PDE4D: variants seen among roughly 807,000 people sequenced by gnomAD.
The protein encoded by PDE4D is 3',5'-cyclic-AMP phosphodiesterase 4D.
Under a neutral mutation model 87.4 loss-of-function variants are expected in PDE4D, and 24 were observed. The observed-to-expected ratio is 0.27, with a 90% CI of 0.20 to 0.39. The LOEUF (loss-of-function observed/expected upper bound fraction) is 0.39, where lower values mean the gene tolerates loss of function less well. Ranked by LOEUF, PDE4D falls within the 10% of genes least tolerant of loss-of-function variation. PDE4D has a pLI of 1.00. For synonymous variants in PDE4D, 384 were observed against 383.2 expected, an observed-to-expected ratio of 1.00 and a Z score of -0.02; for missense variants, 714 against 1,041.0, an observed-to-expected ratio of 0.69 and a Z score of 4.32.
intron 1 of PDE4D, among the ~76,000 whole-genome samples, chr5:60,282,078 A>G (rs4274945): frequency 0.099 from 15,091 of 151,898 alleles, 1,042 homozygotes; most frequent in South Asian, 0.29. Flanking sequence ...CATCGTTTTA[A>G]ACAACATTAC....
intron 1 of PDE4D, among the ~76,000 whole-genome samples, chr5:59,620,962 C>T (rs1298684817): frequency 6.6e-6 from 1 of 151,954 alleles, no homozygotes; most frequent in Non-Finnish European, 1.5e-5. Flanking sequence ...TATTGTCAGA[C>T]TTCTTTCTTA....
At chr5:60,025,865 C>G (rs1391146057) in intron 2 of PDE4D, among the ~76,000 whole-genome samples, 1 of 152,118 alleles carries the variant, frequency 6.6e-6, no homozygotes, top group Non-Finnish European at 1.5e-5. Context: ...CTGGGCAATA[C>G]AGTGAGACCC....
intron 1 of PDE4D, among the ~76,000 whole-genome samples, chr5:59,246,272 C>T (rs1243258302): frequency 6.6e-6 from 1 of 151,936 alleles, no homozygotes; most frequent in Non-Finnish European, 1.5e-5. Flanking sequence ...TCTGAGGTTT[C>T]TTCAAAGCCA....
chr5:59,849,711 ATTTAT>A lies in PDE4D; in HGVS notation c.455+43452_455+43456del. ...ACGTTTTCTATTGTTTTTGTCCCTT[ATTTAT>A]TTTGTTTTGTTTTTAAGAGATAATT... On this transcript the variant is annotated intron_variant, in intron 1 of 14. Transcript: ENST00000340635. 1.3e-5 allele frequency among the ~76,000 whole-genome samples: 2 copies of A among 151,462 alleles called. 1 individual carries two copies.
At chr5:59,184,671 A>T (rs1742481053) in intron 4 of PDE4D, among the ~76,000 whole-genome samples, 1 of 152,164 alleles carries the variant, frequency 6.6e-6, no homozygotes, top group Non-Finnish European at 1.5e-5. Context: ...TGAAATGATA[A>T]TCCTTTCCCA....
At chr5:60,209,816 A>G (rs886390321) in intron 1 of PDE4D, among the ~76,000 whole-genome samples, 1 of 152,150 alleles carries the variant, frequency 6.6e-6, no homozygotes, top group African/African-American at 2.4e-5. Flanking sequence ...TGTGTTTTTT[A>G]ATTATCTTGA....
intron 5 of PDE4D, among the ~76,000 whole-genome samples, chr5:59,107,836 G>C (rs1771892603): frequency 6.6e-6 from 1 of 152,174 alleles, no homozygotes; most frequent in South Asian, 2.1e-4. Flanking sequence ...AAGAAAGCCT[G>C]GCTTTTGTGT....
At chr5:60,128,512 A>T (rs1779304576) in intron 2 of PDE4D, among the ~76,000 whole-genome samples, 1 of 152,194 alleles carries the variant, frequency 6.6e-6, no homozygotes, top group African/African-American at 2.4e-5. Context: ...CTGATGGGAG[A>T]GAAGTCTGAA....
intron 1 of PDE4D, among the ~76,000 whole-genome samples, chr5:60,503,181 A>G (rs971472947): frequency 1.2e-4 from 19 of 152,182 alleles, no homozygotes; most frequent in African/African-American, 4.6e-4. Context: ...GAAGAGAAAG[A>G]AAGTGAGGGA....
At chr5:60,284,777 G>A (rs1463587360) in intron 1 of PDE4D, among the ~76,000 whole-genome samples, 1 of 152,006 alleles carries the variant, frequency 6.6e-6, no homozygotes. Flanking sequence ...ACATATTCAG[G>A]ATAGGTAGTT....
chr5:60,188,728 C>T (rs1396083647), intron 1 of PDE4D, among the ~76,000 whole-genome samples: 1 of 152,152 alleles, frequency 6.6e-6, no homozygotes, highest in Non-Finnish European at 1.5e-5. Context: ...GTGAGGTAGA[C>T]ATTGTTAATA....
chr5:59,157,400 A>G lies in PDE4D; in HGVS notation c.808+23195T>C, dbSNP rs1220611410. ...ACATTTGCAAACAAGTGATCCGAAGACATTTTTCTAAACAGGTGCTGTGGT... is the reference window on the plus strand; with the variant it reads ...ACATTTGCAAACAAGTGATCCGAAGGCATTTTTCTAAACAGGTGCTGTGGT... On this transcript the variant is annotated intron_variant, in intron 5 of 14. Coordinates refer to ENST00000340635, the MANE Select transcript of PDE4D (RefSeq NM_001104631.2). 3 of 701,968 alleles carry G rather than the reference A, an allele frequency of 4.3e-6. No homozygotes were observed. The Admixed American group carries it at 6.0e-5, about 14-fold the overall frequency. The allele number at this position is 701,968 out of a possible 1,614,324, so 43.5% of individuals were successfully genotyped here.
intron 1 of PDE4D, among the ~76,000 whole-genome samples, chr5:60,334,222 G>A (rs757182122): frequency 2.6e-5 from 4 of 152,100 alleles, no homozygotes; most frequent in Non-Finnish European, 5.9e-5. Flanking sequence ...TATACATCAT[G>A]AAAAGGCAAA....
intron 1 of PDE4D, among the ~76,000 whole-genome samples, chr5:59,448,308 G>T (rs1376102126): frequency 2.0e-5 from 3 of 152,182 alleles, no homozygotes; most frequent in South Asian, 4.1e-4. Context: ...CTGATGAGGA[G>T]ATTTTGCCTA....
chr5:59,785,433 A>C (rs377621463), intron 1 of PDE4D, among the ~76,000 whole-genome samples: 1 of 152,232 alleles, frequency 6.6e-6, no homozygotes, highest in African/African-American at 2.4e-5. Flanking sequence ...GGTTCTAAGA[A>C]TGTATTAGTG....
intron 1 of PDE4D, among the ~76,000 whole-genome samples, chr5:59,460,156 T>C (rs937929858): frequency 1.1e-4 from 17 of 152,112 alleles, no homozygotes; most frequent in Admixed American, 9.8e-4. Context: ...ATATATTGTA[T>C]ATACTTTTAT....
At chr5:60,460,250 A>T in intron 1 of PDE4D, 5 of 1,147,984 alleles carry the variant, frequency 4.4e-6, no homozygotes, top group Non-Finnish European at 6.6e-6. Context: ...GACTTTGAAG[A>T]TGGATCACCA....
At chr5:59,761,367 A>AT (rs1183009980) in intron 1 of PDE4D, among the ~76,000 whole-genome samples, 8 of 152,040 alleles carry the variant, frequency 5.3e-5, no homozygotes, top group Non-Finnish European at 8.8e-5. Flanking sequence ...ATTTATAAAT[A>AT]TTTTTATTTC....
chr5:59,365,998 T>C (rs745644115), intron 1 of PDE4D, among the ~76,000 whole-genome samples: 15 of 152,196 alleles, frequency 9.9e-5, no homozygotes, highest in Non-Finnish European at 2.2e-4. Context: ...TCTGTTTCAG[T>C]AGAATATGGT....
Sources: gnomAD v4.1 joint callset for allele counts (sites outside exome capture counted in the v4.1 genomes callset) on GRCh38, gnomAD v4.1.1 for gene constraint, MANE v1.5 for transcripts, NCBI Gene and HGNC (gene_info 2026-07-23, HGNC 2026-07-21) for gene names.